The following B3GLCT variants were observed in gnomAD, a reference collection of about 807,000 sequenced individuals.
B3GLCT encodes the protein beta 3-glucosyltransferase, also known as beta-1,3-glucosyltransferase.
B3GLCT carries 65 observed loss-of-function variants against 63.4 expected under a neutral mutation model. The observed-to-expected ratio is 1.03, with a 90% confidence interval of 0.84 to 1.26. The LOEUF is 1.26. Among genes scored for constraint, B3GLCT ranks in the 50% most tolerant of loss-of-function variants. B3GLCT has a pLI of 0.00. For missense variants in B3GLCT, 577 were observed against 604.8 expected (o/e 0.95, Z 0.48); for synonymous variants, 233 against 219.2 (o/e 1.06, Z -0.55).
At chr13:31,206,360 G>C (rs562007966) in intron 1 of B3GLCT, among the ~76,000 whole-genome samples, 1 of 152,290 alleles carries the variant, frequency 6.6e-6, no homozygotes, top group South Asian at 2.1e-4. Context: ...TGTGAAGCCA[G>C]GTGTGAGAAC....
At chr13:31,285,894 T>G (rs1292293184) in intron 11 of B3GLCT, among the ~76,000 whole-genome samples, 1 of 152,186 alleles carries the variant, frequency 6.6e-6, no homozygotes. Context: ...ATTGTCTATA[T>G]TTATATTTGT....
chr13:31,331,810 G>A lies in B3GLCT; in HGVS notation c.*2142G>A, dbSNP rs1423561420. 1.3e-5 allele frequency: 2 copies of A among 152,120 alleles called. No homozygotes were observed. The highest frequency in any genetic ancestry group is 4.8e-5 in the African/African-American group (2 of 41,416). 9.4% of individuals were successfully genotyped at this position (152,120 alleles called of 1,614,324 possible). A position where few individuals can be genotyped will look rare whatever the true frequency, so the allele number is the denominator to read the frequency against. Reference sequence around the variant, plus strand: ...TCAATTTTGAGTCTGACATTTCCAGGACCAGATATTGTCTTACTCACATTT... The same window carrying A: ...TCAATTTTGAGTCTGACATTTCCAGAACCAGATATTGTCTTACTCACATTT... On this transcript the variant is annotated 3_prime_UTR_variant, in exon 15 of 15. Coordinates refer to ENST00000343307, the MANE Select transcript of B3GLCT (RefSeq NM_194318.4).
In B3GLCT at chr13:31,242,754, C is replaced by T. The variant is rs376212775; in HGVS notation, c.271-4269C>T. 9.2e-4 allele frequency among the ~76,000 whole-genome samples: 140 copies of T among 152,208 alleles called. 3 individuals are homozygous for T. In the East Asian group the frequency reaches 0.011, roughly 12 times the overall value. On this transcript the variant is annotated intron_variant, in intron 4 of 14. Transcript: ENST00000343307. ...ATAAAATGGACGGAGTAATGCTTTT[C>T]AAAGTAAATTGTTCATAAAAATAAA...
chr13:31,331,095 T>C lies in B3GLCT; in HGVS notation c.*1427T>C, dbSNP rs1199979131. ...ATGGATTCTGTGGCCATCCAAGGGATGTATCAGGGATGATCAGCTGATGAG... is the reference window on the plus strand; with the variant it reads ...ATGGATTCTGTGGCCATCCAAGGGACGTATCAGGGATGATCAGCTGATGAG... On this transcript the variant is annotated 3_prime_UTR_variant, in exon 15 of 15. Transcript: ENST00000343307. The C allele has an allele frequency of 6.6e-6, 1 of 152,238 alleles. No homozygotes were observed. Among genetic ancestry groups the C allele is most frequent in the African/African-American group, 2.4e-5 (1 of 41,450 alleles). The allele number at this position is 152,238 out of a possible 1,614,324, so 9.4% of individuals were successfully genotyped here. A position where few individuals can be genotyped will look rare whatever the true frequency, so the allele number is the denominator to read the frequency against.
chr13:31,281,198 A>C (rs1262564289), intron 10 of B3GLCT, among the ~76,000 whole-genome samples: 1 of 152,090 alleles, frequency 6.6e-6, no homozygotes, highest in Non-Finnish European at 1.5e-5. Context: ...AAAGAGGTTA[A>C]ATTGCCGTTT....
intron 10 of B3GLCT, among the ~76,000 whole-genome samples, chr13:31,279,512 A>G (rs986088494): frequency 1.3e-5 from 2 of 152,130 alleles, no homozygotes; most frequent in Non-Finnish European, 2.9e-5. Context: ...GCAAGTTTTT[A>G]TTAGTGATTT....
chr13:31,212,140 C>G (rs1031819819), intron 1 of B3GLCT, among the ~76,000 whole-genome samples: 6 of 151,234 alleles, frequency 4.0e-5, no homozygotes, highest in Non-Finnish European at 7.4e-5. Flanking sequence ...GAGTCTCGCT[C>G]TTGTCCAGGC....
chr13:31,302,193 C>G (rs1484656407), intron 12 of B3GLCT, among the ~76,000 whole-genome samples: 1 of 152,204 alleles, frequency 6.6e-6, no homozygotes, highest in Non-Finnish European at 1.5e-5. Context: ...CTTGGTTTTG[C>G]AGCAGTAAGT....
At chr13:31,317,762 C>T in intron 13 of B3GLCT, 77 bp downstream of exon 13, 1 of 1,581,094 alleles carries the variant, frequency 6.3e-7, no homozygotes, top group Non-Finnish European at 8.7e-7. Flanking sequence ...GTCTCTGGCA[C>T]TGGGATCTAT....
intron 7 of B3GLCT, among the ~76,000 whole-genome samples, chr13:31,265,553 C>T (rs1472811812): frequency 1.3e-5 from 2 of 152,170 alleles, no homozygotes; most frequent in Non-Finnish European, 2.9e-5. Flanking sequence ...AGACTGTTTC[C>T]AACCAAAATT....
At chr13:31,310,188 A>AT (rs1314226895) in intron 12 of B3GLCT, among the ~76,000 whole-genome samples, 1 of 152,172 alleles carries the variant, frequency 6.6e-6, no homozygotes, top group Non-Finnish European at 1.5e-5. Flanking sequence ...TCCTGAGCCC[A>AT]TAAAAACCCC....
intron 4 of B3GLCT, among the ~76,000 whole-genome samples, chr13:31,239,618 G>T (rs940107226): frequency 6.6e-6 from 1 of 151,580 alleles, no homozygotes; most frequent in Non-Finnish European, 1.5e-5. Flanking sequence ...AAACAGCTCA[G>T]GTTCTAGAGA....
chr13:31,310,136 T>C (rs916662621), intron 12 of B3GLCT, among the ~76,000 whole-genome samples: 4 of 152,096 alleles, frequency 2.6e-5, no homozygotes, highest in Non-Finnish European at 5.9e-5. Context: ...AATGGTGCTT[T>C]TCCCAAGCCC....
chr13:31,206,584 CA>C (rs11322955), intron 1 of B3GLCT, among the ~76,000 whole-genome samples: 81,405 of 118,678 alleles, frequency 0.69, 26,494 homozygotes, highest in East Asian at 0.9. Context: ...ACTAAAAATG[CA>C]AAAAAAAAAA....
chr13:31,274,390 A>T (rs1251022332), intron 8 of B3GLCT, 119 bp from the exon 9 acceptor site: 1 of 1,306,472 alleles, frequency 7.7e-7, no homozygotes, highest in Non-Finnish European at 1.1e-6. Context: ...ACAAATTGAT[A>T]TGGTTCAGCC....
At chr13:31,215,853 C>CG (rs938279315) in intron 2 of B3GLCT, among the ~76,000 whole-genome samples, 14 of 152,222 alleles carry the variant, frequency 9.2e-5, no homozygotes, top group African/African-American at 3.4e-4. Context: ...GGGGCCTGGG[C>CG]GGGAGACCCA....
At chr13:31,221,395 G>T (rs924479814) in intron 2 of B3GLCT, among the ~76,000 whole-genome samples, 14 of 152,308 alleles carry the variant, frequency 9.2e-5, no homozygotes, top group Middle Eastern at 6.8e-3. Flanking sequence ...GTAAGTCTGC[G>T]CATGCTGACT....
At chr13:31,274,928 C>G (rs573086114) in intron 9 of B3GLCT, among the ~76,000 whole-genome samples, 1 of 152,330 alleles carries the variant, frequency 6.6e-6, no homozygotes, top group South Asian at 2.1e-4. Flanking sequence ...TGTTTAGCTT[C>G]CACTTATAAG....
At chr13:31,290,728 T>C (rs1873612441) in intron 12 of B3GLCT, among the ~76,000 whole-genome samples, 1 of 152,140 alleles carries the variant, frequency 6.6e-6, no homozygotes, top group South Asian at 2.1e-4. Context: ...TCTTGTAAAT[T>C]TGTTTAAGTT....
Sources: allele counts gnomAD v4.1 joint callset (sites outside exome capture counted in the v4.1 genomes callset), GRCh38; gene constraint gnomAD v4.1.1; transcripts MANE v1.5; gene names NCBI Gene and HGNC (gene_info 2026-07-23, HGNC 2026-07-21).